POC5: variants seen among roughly 807,000 people sequenced by gnomAD.
POC5 encodes the protein centrosomal protein POC5.
A neutral mutation model predicts 62.9 loss-of-function variants in POC5; 48 were observed. The observed-to-expected ratio is 0.76, with a 90% CI of 0.61 to 0.97. POC5 has a LOEUF of 0.97. Ranked by LOEUF, POC5 falls within the 50% of genes least tolerant of loss-of-function variation. The pLI is 0.00. For missense variants in POC5, 696 were observed against 679.5 expected, an observed-to-expected ratio of 1.02 and a Z score of -0.27; for synonymous variants, 236 against 228.2, an observed-to-expected ratio of 1.03 and a Z score of -0.31.
In POC5 at chr5:75,689,334, T is replaced by G. The variant is rs529144196; in HGVS notation, c.976-169A>C. On this transcript the variant is annotated intron_variant, in intron 8 of 11. Coordinates refer to ENST00000428202, the MANE Select transcript of POC5 (RefSeq NM_001099271.2). Reference sequence around the variant, plus strand: ...TTTAAAAGGTACCTCTTACCTCTATTATCTCCATCAACAAAATGCTTTCAT... The same window carrying G: ...TTTAAAAGGTACCTCTTACCTCTATGATCTCCATCAACAAAATGCTTTCAT... 6.1e-6 allele frequency: 6 copies of G among 985,140 alleles called. No individual in the cohort carries two copies. The East Asian group carries it at 5.7e-4, about 93-fold the overall frequency. The allele number at this position is 985,140 out of a possible 1,614,324, so 61.0% of individuals were successfully genotyped here.
At position 75,707,880 on chromosome 5, in the gene POC5, G is replaced by T; in HGVS notation, c.85-5C>A. 6.4e-7 allele frequency: 1 copy of T among 1,573,368 alleles called. No homozygotes were observed. Among genetic ancestry groups the T allele is most frequent in the South Asian group, 1.2e-5 (1 of 86,206 alleles). On this transcript the variant is annotated splice_region_variant and splice_polypyrimidine_tract_variant and intron_variant, in intron 2 of 11. Coordinates refer to ENST00000428202, the MANE Select transcript of POC5 (RefSeq NM_001099271.2). ...AAGCAGTTCTTCATATTCTTCCTAA[G>T]AGAGGCCAATAATCAATAATGTAGT...
chr5:75,685,172 T>G, intron 10 of POC5, 35 bp downstream of exon 10: 1 of 1,557,004 alleles, frequency 6.4e-7, no homozygotes, highest in Non-Finnish European at 8.7e-7. Context: ...TGGCCGCCCT[T>G]TTCATAAGGT....
chr5:75,696,178 C>G (rs1005418210), intron 5 of POC5: 17 of 158,248 alleles, frequency 1.1e-4, no homozygotes, highest in African/African-American at 4.1e-4. Flanking sequence ...GTAAACAAAG[C>G]AGCCCGGAAG....
chr5:75,678,151 T>C (rs556752422), intron 10 of POC5, among the ~76,000 whole-genome samples: 3 of 152,014 alleles, frequency 2.0e-5, no homozygotes, highest in South Asian at 2.1e-4. Flanking sequence ...AACCTGAGTA[T>C]GCCAACGATT....
rs1776060357 is a variant in POC5 at position 75,685,363 on chromosome 5, C to A, written c.1251G>T (p.Leu417=). 1.2e-6 allele frequency: 2 copies of A among 1,613,998 alleles called. No individual in the cohort carries two copies. Among genetic ancestry groups the A allele is most frequent in the Non-Finnish European group, 1.7e-6 (2 of 1,179,894 alleles). The change falls in exon 10 of 12, where the codon CTG becomes CTT. Residue 417 remains leucine (L), a synonymous_variant. Coordinates refer to ENST00000428202, the MANE Select transcript of POC5 (RefSeq NM_001099271.2). ...CTCCGACGGCGGCTGGTGGGGATGG[C>A]AGCAGTGGTGATGTAACTGGTAAGG... ...PMPLPVTSPL[L]PSPPAAVGGA...
Position 75,685,342 on chromosome 5 carries a change from G to T in POC5, c.1272C>A (p.Val424=), listed in dbSNP as rs35898774. The T allele has an allele frequency of 2.5e-6, 4 of 1,613,898 alleles. No individual in the cohort carries two copies. Among genetic ancestry groups the T allele is most frequent in the Non-Finnish European group, 2.5e-6 (3 of 1,179,898 alleles). ...SPLLPSPPAA[V]GGASATAVPS... ...GAACGGCAGTCGCGCTGGCTCCTCC[G>T]ACGGCGGCTGGTGGGGATGGCAGCA... Residue 424 remains valine, a synonymous_variant, in exon 10 of 12, where the codon GTC becomes GTA. Transcript: ENST00000428202.
At chr5:75,699,112 G>A (rs1005536446) in intron 5 of POC5, among the ~76,000 whole-genome samples, 1 of 152,284 alleles carries the variant, frequency 6.6e-6, no homozygotes, top group African/African-American at 2.4e-5. Context: ...GGACCAGATG[G>A]ATTCACAGCT....
At chr5:75,691,160 A>G (rs566883497) in intron 7 of POC5, among the ~76,000 whole-genome samples, 1 of 152,356 alleles carries the variant, frequency 6.6e-6, no homozygotes, top group South Asian at 2.1e-4. Context: ...AAGTGACAGT[A>G]GCCTCAACTA....
At chr5:75,694,905 G>A in intron 5 of POC5, 74 bp from the exon 6 acceptor site, 3 of 1,064,838 alleles carry the variant, frequency 2.8e-6, no homozygotes, top group Non-Finnish European at 4.0e-6. Flanking sequence ...CTGAAATAAA[G>A]AAACATTAAA....
At chr5:75,711,041 A>C (rs896359185) in intron 2 of POC5, among the ~76,000 whole-genome samples, 4 of 152,270 alleles carry the variant, frequency 2.6e-5, no homozygotes, top group Non-Finnish European at 5.9e-5. Context: ...GGGGAAATAA[A>C]TAAGTATATG....
intron 7 of POC5, among the ~76,000 whole-genome samples, chr5:75,690,773 G>C (rs1346489395): frequency 6.6e-6 from 1 of 152,196 alleles, no homozygotes; most frequent in East Asian, 1.9e-4. Context: ...AGCCAGACTT[G>C]CCTGACTCCA....
chr5:75,689,025 G>C lies in POC5; in HGVS notation c.1116C>G (p.Asn372Lys), dbSNP rs1180389747. ...LNLEAMTIFQ[N>K]RNDAGIDSTN... ...TGAAATACTAACCTGCATCATTTCT[G>C]TTTTGAAATATAGTCATGGCTTCAA... Residue 372 changes from asparagine to lysine, a missense_variant, in exon 9 of 12, where the codon AAC becomes AAG. By Grantham distance (94) the Asn-to-Lys change is moderately conservative. Coordinates refer to ENST00000428202, the MANE Select transcript of POC5 (RefSeq NM_001099271.2). 6.4e-7 allele frequency: 1 copy of C among 1,565,840 alleles called. No homozygotes were observed. Among genetic ancestry groups the C allele is most frequent in the East Asian group, 2.3e-5 (1 of 44,242 alleles).
At chr5:75,710,632 G>A (rs1554075308) in intron 2 of POC5, among the ~76,000 whole-genome samples, 1 of 152,216 alleles carries the variant, frequency 6.6e-6, no homozygotes, top group Non-Finnish European at 1.5e-5. Flanking sequence ...CTTTTGGGCT[G>A]TGATCTGGGA....
chr5:75,684,790 CTT>C (rs893987176), intron 10 of POC5, among the ~76,000 whole-genome samples: 4 of 151,028 alleles, frequency 2.6e-5, no homozygotes, highest in African/African-American at 9.7e-5. Flanking sequence ...TTTTCAGTGA[CTT>C]TGCCTAAATA....
At chr5:75,678,357 T>C (rs1775753716) in intron 10 of POC5, among the ~76,000 whole-genome samples, 1 of 152,150 alleles carries the variant, frequency 6.6e-6, no homozygotes, top group Admixed American at 6.5e-5. Context: ...TGTATAGATC[T>C]CTGTCATTTT....
chr5:75,676,210 C>A (rs150059414), intron 11 of POC5, among the ~76,000 whole-genome samples: 3 of 152,374 alleles, frequency 2.0e-5, no homozygotes, highest in Non-Finnish European at 4.4e-5. Flanking sequence ...TTTACACCTT[C>A]TTTACCTCAC....
At chr5:75,692,528 G>T in intron 6 of POC5, 28 bp from the exon 7 acceptor site, 1 of 1,490,072 alleles carries the variant, frequency 6.7e-7, no homozygotes, top group African/African-American at 1.4e-5. Context: ...CCCAATTATT[G>T]TGATATTAAA....
intron 11 of POC5, among the ~76,000 whole-genome samples, chr5:75,676,834 A>T (rs555302328): frequency 4.0e-4 from 56 of 141,142 alleles, no homozygotes; most frequent in East Asian, 1.1e-3. Context: ...CTCAAAAAAA[A>T]AAATAAATAA....
intron 9 of POC5, among the ~76,000 whole-genome samples, chr5:75,687,037 A>T (rs553835955): frequency 0.051 from 7,446 of 146,380 alleles, 628 homozygotes; most frequent in African/African-American, 0.17. Context: ...ATAAAAAACA[A>T]TTTTTTTTTT....
Sources: allele counts gnomAD v4.1 joint callset (sites outside exome capture counted in the v4.1 genomes callset), GRCh38; gene constraint gnomAD v4.1.1; transcripts MANE v1.5; gene names NCBI Gene and HGNC (gene_info 2026-07-23, HGNC 2026-07-21).